Variants in CYP7B1 observed in about 807,000 individuals in gnomAD.
CYP7B1 encodes the protein cytochrome P450 family 7 subfamily B member 1.
Under a neutral mutation model 42.7 loss-of-function variants are expected in CYP7B1, and 29 were observed. That is an observed-to-expected ratio of 0.68 (90% CI 0.51 to 0.93). The LOEUF is 0.93. Among genes scored for constraint, CYP7B1 ranks in the 40% least tolerant of loss-of-function variants. The pLI is 0.00. For synonymous variants in CYP7B1, 235 were observed against 218.2 expected (o/e 1.08, Z -0.68); for missense variants, 655 against 600.5 (o/e 1.09, Z -0.95).
chr8:64,638,508 C>A (rs574580025), intron 1 of CYP7B1, among the ~76,000 whole-genome samples: 39 of 151,958 alleles, frequency 2.6e-4, no homozygotes, highest in Non-Finnish European at 5.3e-4. Context: ...GAGACTGTTG[C>A]TGAAGTCATT....
At chr8:64,674,537 T>A (rs1806414620) in intron 1 of CYP7B1, among the ~76,000 whole-genome samples, 1 of 152,160 alleles carries the variant, frequency 6.6e-6, no homozygotes, top group African/African-American at 2.4e-5. Flanking sequence ...AAATACTTGA[T>A]GGCAATAAGG....
intron 1 of CYP7B1, among the ~76,000 whole-genome samples, chr8:64,772,347 T>C (rs1436848086): frequency 6.6e-6 from 1 of 152,142 alleles, no homozygotes; most frequent in East Asian, 1.9e-4. Flanking sequence ...AACTTTTAGC[T>C]CCATGGACTT....
intron 1 of CYP7B1, among the ~76,000 whole-genome samples, chr8:64,746,572 C>T (rs1175506854): frequency 6.6e-6 from 1 of 152,110 alleles, no homozygotes; most frequent in Non-Finnish European, 1.5e-5. Flanking sequence ...GATCCCAATA[C>T]TATTTTGCTT....
intron 1 of CYP7B1, among the ~76,000 whole-genome samples, chr8:64,778,197 A>ATATATATATG (rs1233287778): frequency 6.8e-6 from 1 of 147,236 alleles, no homozygotes; most frequent in Non-Finnish European, 1.5e-5. Context: ...ATATATATAT[A>ATATATATATG]TATGTATACA....
chr8:64,783,268 G>C (rs1034201347), intron 1 of CYP7B1, among the ~76,000 whole-genome samples: 1 of 152,208 alleles, frequency 6.6e-6, no homozygotes, highest in African/African-American at 2.4e-5. Context: ...AGAGCACGAA[G>C]GATCTTGCTT....
intron 1 of CYP7B1, among the ~76,000 whole-genome samples, chr8:64,783,132 C>A (rs1804458878): frequency 6.6e-6 from 1 of 152,162 alleles, no homozygotes; most frequent in Non-Finnish European, 1.5e-5. Context: ...ACTTTACTCT[C>A]AGCTGTCCAC....
intron 1 of CYP7B1, among the ~76,000 whole-genome samples, chr8:64,724,958 T>A (rs1040350963): frequency 2.0e-5 from 3 of 152,232 alleles, no homozygotes; most frequent in Non-Finnish European, 4.4e-5. Context: ...TTCTCTGACC[T>A]AACCTTGTCC....
chr8:64,670,598 C>T (rs1336230852), intron 1 of CYP7B1, among the ~76,000 whole-genome samples: 8 of 152,134 alleles, frequency 5.3e-5, no homozygotes, highest in Non-Finnish European at 1.0e-4. Context: ...GAGGCAGGAG[C>T]GCCACTCATT....
At chr8:64,588,839 G>A (rs1001795401), downstream of CYP7B1, among the ~76,000 whole-genome samples, 1 of 152,226 alleles carries the variant, frequency 6.6e-6, no homozygotes, top group African/African-American at 2.4e-5. Context: ...GAAAGGAAAT[G>A]ATTTTCCTAA....
At chr8:64,716,319 C>T (rs955246999) in intron 1 of CYP7B1, among the ~76,000 whole-genome samples, 1 of 152,206 alleles carries the variant, frequency 6.6e-6, no homozygotes, top group Non-Finnish European at 1.5e-5. Flanking sequence ...TCACTTCTCT[C>T]AGCAATGTTT....
intron 1 of CYP7B1, among the ~76,000 whole-genome samples, chr8:64,704,898 A>G (rs1806970552): frequency 6.6e-6 from 1 of 152,036 alleles, no homozygotes; most frequent in Non-Finnish European, 1.5e-5. Flanking sequence ...TTGGGGGAAA[A>G]AATCAACTAC....
rs75412921 is a variant in CYP7B1 at position 64,595,711 on chromosome 8, C to T, written c.*931G>A. Among the ~76,000 whole-genome samples the T allele has an allele frequency of 1.8e-3, 276 of 152,286 alleles. 1 individual carries two copies. The highest frequency in any genetic ancestry group is 6.4e-3 in the African/African-American group (267 of 41,556). On this transcript the variant is annotated 3_prime_UTR_variant, in exon 6 of 6. Transcript: ENST00000310193. ...CATGATGTTGTAATTCAAAATAGAACACATGAACTCCAAATCCAAAAGGTG... is the reference window on the plus strand; with the variant it reads ...CATGATGTTGTAATTCAAAATAGAATACATGAACTCCAAATCCAAAAGGTG...
chr8:64,722,187 T>A (rs1161944466), intron 1 of CYP7B1, among the ~76,000 whole-genome samples: 1 of 152,168 alleles, frequency 6.6e-6, no homozygotes, highest in Non-Finnish European at 1.5e-5. Flanking sequence ...GCAGCAAAAC[T>A]AGTTTATAAT....
chr8:64,686,072 C>T (rs1266259463), intron 1 of CYP7B1, among the ~76,000 whole-genome samples: 4 of 128,716 alleles, frequency 3.1e-5, no homozygotes, highest in South Asian at 2.5e-4. Flanking sequence ...GCCCCCCCAC[C>T]CGGCCAGCCG....
At position 64,624,448 on chromosome 8, in the gene CYP7B1, T is replaced by A; in HGVS notation, c.214A>T (p.Thr72Ser). 6.2e-7 allele frequency: 1 copy of A among 1,613,288 alleles called. No individual in the cohort carries two copies. The highest frequency in any genetic ancestry group is 8.5e-7 in the Non-Finnish European group (1 of 1,179,840). The stretch of plus-strand genomic sequence containing the variant: ...GTGTCACCATGTTGCTTTTGAAGTG[T>A]TTTCATGAACCTTAAGGGGTCTTTT... ...LRKDPLRFMK[T>S]LQKQHGDTFT... is the part of the protein sequence containing the mutation. The change falls in exon 2 of 6, where the codon ACA (threonine) becomes TCA (serine). Residue 72 changes from threonine (T) to serine (S), a missense_variant. Coordinates refer to ENST00000310193, the MANE Select transcript of CYP7B1 (RefSeq NM_004820.5).
intron 1 of CYP7B1, among the ~76,000 whole-genome samples, chr8:64,678,473 T>G (rs553398697): frequency 1.3e-5 from 2 of 152,246 alleles, no homozygotes; most frequent in Non-Finnish European, 2.9e-5. Flanking sequence ...CCTCCTACTG[T>G]GACAACAAAA....
At chr8:64,755,781 A>C (rs975750025) in intron 1 of CYP7B1, among the ~76,000 whole-genome samples, 4 of 152,228 alleles carry the variant, frequency 2.6e-5, no homozygotes, top group African/African-American at 9.6e-5. Flanking sequence ...TGAAATTTAA[A>C]ATATAAGAAT....
rs1805083764 is a variant in CYP7B1, at chr8:64,594,290, A to G, written c.*2352T>C. Among the ~76,000 whole-genome samples the G allele has an allele frequency of 6.6e-6, 1 of 152,152 alleles. No individual in the cohort carries two copies. Among genetic ancestry groups the G allele is most frequent in the African/African-American group, 2.4e-5 (1 of 41,434 alleles). ...TGGGTAACTAGATCATTAAAACATA[A>G]TGTGTGCACATTATGGATTGCTGTG... On this transcript the variant is annotated 3_prime_UTR_variant, in exon 6 of 6. Transcript: ENST00000310193.
intron 1 of CYP7B1, among the ~76,000 whole-genome samples, chr8:64,714,237 A>G (rs1330754261): frequency 3.9e-5 from 6 of 152,234 alleles, no homozygotes; most frequent in African/African-American, 1.4e-4. Flanking sequence ...TTTTATGCTA[A>G]ACACTTCTAA....
Sources: allele counts gnomAD v4.1 joint callset (sites outside exome capture counted in the v4.1 genomes callset), GRCh38; gene constraint gnomAD v4.1.1; transcripts MANE v1.5; gene names NCBI Gene and HGNC (gene_info 2026-07-23, HGNC 2026-07-21).